SLC10A7: variants seen among roughly 807,000 people sequenced by gnomAD.
The protein encoded by SLC10A7 is sodium/bile acid cotransporter 7.
SLC10A7 carries 29 observed loss-of-function variants against 43.2 expected under a neutral mutation model. That is an observed-to-expected ratio of 0.67 (90% CI 0.50 to 0.92). The LOEUF is 0.92. Among genes scored for constraint, SLC10A7 ranks in the 40% least tolerant of loss-of-function variants. The pLI is 0.00. For missense variants in SLC10A7, 295 were observed against 403.2 expected, an observed-to-expected ratio of 0.73 and a Z score of 2.30; for synonymous variants, 152 against 144.8, an observed-to-expected ratio of 1.05 and a Z score of -0.35.
intron 4 of SLC10A7, among the ~76,000 whole-genome samples, chr4:146,476,109 C>G (rs1449082900): frequency 6.6e-6 from 1 of 151,902 alleles, no homozygotes; most frequent in African/African-American, 2.4e-5. Context: ...ATGAAGAAAA[C>G]TAAATAAAAC....
chr4:146,407,500 T>C (rs1197665161), intron 5 of SLC10A7, among the ~76,000 whole-genome samples: 1 of 152,190 alleles, frequency 6.6e-6, no homozygotes, highest in Non-Finnish European at 1.5e-5. Context: ...TAGCAGATAA[T>C]TAAAACTTTA....
intron 6 of SLC10A7, among the ~76,000 whole-genome samples, chr4:146,319,797 C>A (rs1379663629): frequency 1.3e-5 from 2 of 151,572 alleles, no homozygotes; most frequent in Non-Finnish European, 2.9e-5. Flanking sequence ...AGAAATAATC[C>A]AGTAGAGAGA....
chr4:146,392,065 C>G (rs775883454), intron 5 of SLC10A7, among the ~76,000 whole-genome samples: 1 of 152,142 alleles, frequency 6.6e-6, no homozygotes, highest in Non-Finnish European at 1.5e-5. Context: ...GGTGGAGATA[C>G]GACTTGTCTG....
intron 1 of SLC10A7, among the ~76,000 whole-genome samples, chr4:146,521,032 C>T (rs1284437821): frequency 6.6e-6 from 1 of 151,922 alleles, no homozygotes; most frequent in East Asian, 1.9e-4. Context: ...AACTGAATCC[C>T]GGCAGCACAC....
intron 7 of SLC10A7, among the ~76,000 whole-genome samples, chr4:146,300,323 C>T (rs1731075940): frequency 6.6e-6 from 1 of 152,096 alleles, no homozygotes; most frequent in Admixed American, 6.5e-5. Flanking sequence ...TTAGAAAAAT[C>T]CCTTCTTTAA....
chr4:146,488,461 T>C (rs1735101157), intron 4 of SLC10A7, among the ~76,000 whole-genome samples: 1 of 152,196 alleles, frequency 6.6e-6, no homozygotes, highest in African/African-American at 2.4e-5. Context: ...AGATATTTAC[T>C]TGACTAGATG....
intron 5 of SLC10A7, among the ~76,000 whole-genome samples, chr4:146,429,061 C>T (rs2149865128): frequency 6.6e-6 from 1 of 152,202 alleles, no homozygotes; most frequent in East Asian, 1.9e-4. Flanking sequence ...TACTAAATAT[C>T]AAACTTAGAT....
At chr4:146,472,917 T>A (rs1331495672) in intron 4 of SLC10A7, among the ~76,000 whole-genome samples, 1 of 152,178 alleles carries the variant, frequency 6.6e-6, no homozygotes, top group African/African-American at 2.4e-5. Context: ...TAGGTAGGAA[T>A]GAGACTGAAA....
intron 7 of SLC10A7, among the ~76,000 whole-genome samples, chr4:146,297,202 C>A (rs1219933184): frequency 6.6e-6 from 1 of 152,124 alleles, no homozygotes; most frequent in Non-Finnish European, 1.5e-5. Context: ...CCTCATTAAC[C>A]TGTTTACTTT....
At chr4:146,483,669 TAGAG>T (rs1560952729) in intron 4 of SLC10A7, among the ~76,000 whole-genome samples, 1 of 151,614 alleles carries the variant, frequency 6.6e-6, no homozygotes, top group Non-Finnish European at 1.5e-5. Flanking sequence ...AAAAAAGACA[TAGAG>T]AGGATGATTG....
intron 8 of SLC10A7, among the ~76,000 whole-genome samples, chr4:146,293,278 AT>A (rs779932334): frequency 6.6e-6 from 1 of 152,194 alleles, no homozygotes; most frequent in Non-Finnish European, 1.5e-5. Flanking sequence ...TACTATGAAT[AT>A]TTCTACAAAT....
chr4:146,318,302 T>C (rs1028725841), intron 6 of SLC10A7, among the ~76,000 whole-genome samples: 1 of 152,070 alleles, frequency 6.6e-6, no homozygotes, highest in Non-Finnish European at 1.5e-5. Flanking sequence ...AAAACTTTGA[T>C]GAAATAGCTC....
At chr4:146,298,758 T>C (rs916723107) in intron 7 of SLC10A7, among the ~76,000 whole-genome samples, 2 of 152,318 alleles carry the variant, frequency 1.3e-5, no homozygotes, top group East Asian at 1.9e-4. Flanking sequence ...TCTTTCTAGA[T>C]TGACAGAAGG....
intron 4 of SLC10A7, among the ~76,000 whole-genome samples, chr4:146,472,554 G>T (rs905743196): frequency 1.3e-5 from 2 of 151,956 alleles, no homozygotes; most frequent in Non-Finnish European, 2.9e-5. Flanking sequence ...GATAGGAAGA[G>T]GGCAGCGGGC....
intron 5 of SLC10A7, among the ~76,000 whole-genome samples, chr4:146,355,378 G>C (rs1735500632): frequency 6.6e-6 from 1 of 152,158 alleles, no homozygotes. Flanking sequence ...TCATTAAAAA[G>C]TCAGGAAACA....
At chr4:146,301,898 G>GA (rs1177679675) in intron 7 of SLC10A7, among the ~76,000 whole-genome samples, 2 of 150,340 alleles carry the variant, frequency 1.3e-5, no homozygotes, top group Non-Finnish European at 1.5e-5. Flanking sequence ...GAACACTTAA[G>GA]AAAAAAAAAG....
At chr4:146,262,539 A>G (rs1406585050) in intron 10 of SLC10A7, among the ~76,000 whole-genome samples, 1 of 152,222 alleles carries the variant, frequency 6.6e-6, no homozygotes, top group Non-Finnish European at 1.5e-5. Context: ...TTATTCCAGA[A>G]GACTATGTAA....
intron 2 of SLC10A7, among the ~76,000 whole-genome samples, chr4:146,515,720 G>A (rs972177654): frequency 1.3e-4 from 20 of 151,914 alleles, no homozygotes; most frequent in African/African-American, 4.6e-4. Flanking sequence ...GACCAGCCTG[G>A]CCAATGTAGT....
At chr4:146,507,910 T>C (rs1243237812) in intron 3 of SLC10A7, among the ~76,000 whole-genome samples, 1 of 152,238 alleles carries the variant, frequency 6.6e-6, no homozygotes, top group African/African-American at 2.4e-5. Flanking sequence ...TCCTTTAAGT[T>C]CAACATCTTG....
Sources: gnomAD v4.1 joint callset for allele counts (sites outside exome capture counted in the v4.1 genomes callset) on GRCh38, gnomAD v4.1.1 for gene constraint, MANE v1.5 for transcripts, NCBI Gene and HGNC (gene_info 2026-07-23, HGNC 2026-07-21) for gene names.